The following SEMA5A variants were observed in gnomAD, a reference collection of about 807,000 sequenced individuals.
SEMA5A encodes the protein semaphorin 5A, also known as semaphorin-5A.
A neutral mutation model predicts 135.5 loss-of-function variants in SEMA5A; 55 were observed. The observed-to-expected ratio is 0.41, with a 90% CI of 0.33 to 0.51. The LOEUF is 0.51. SEMA5A is among the 20% of genes least tolerant of loss of function. SEMA5A has a pLI of 0.37. For synonymous variants in SEMA5A, 580 were observed against 546.5 expected (o/e 1.06, Z -0.85); for missense variants, 1,290 against 1,419.9 (o/e 0.91, Z 1.47).
intron 2 of SEMA5A, among the ~76,000 whole-genome samples, chr5:9,415,478 C>T (rs6555605): frequency 0.29 from 44,619 of 151,998 alleles, 6,712 homozygotes; most frequent in African/African-American, 0.35. Flanking sequence ...TCAAAGAATG[C>T]TTAGGGGAAT....
chr5:9,093,768 A>C (rs1739169762), intron 16 of SEMA5A, among the ~76,000 whole-genome samples: 1 of 151,462 alleles, frequency 6.6e-6, no homozygotes, highest in African/African-American at 2.4e-5. Flanking sequence ...AAGCCCTTTC[A>C]GGAATGATGA....
chr5:9,047,351 A>ATGAT (rs1218432083), intron 21 of SEMA5A, among the ~76,000 whole-genome samples: 1 of 152,190 alleles, frequency 6.6e-6, no homozygotes, highest in African/African-American at 2.4e-5. Flanking sequence ...CATCTTTATG[A>ATGAT]TGATTATATA....
chr5:9,189,102 C>T (rs116671781), intron 11 of SEMA5A, among the ~76,000 whole-genome samples: 2,908 of 152,344 alleles, frequency 0.019, 104 homozygotes, highest in African/African-American at 0.067. Context: ...CTTATGGGTG[C>T]AGGGCTGGCC....
chr5:9,165,365 T>C (rs936029388), intron 11 of SEMA5A, among the ~76,000 whole-genome samples: 4 of 152,194 alleles, frequency 2.6e-5, no homozygotes, highest in Non-Finnish European at 5.9e-5. Flanking sequence ...TTGCAAAGCA[T>C]TGGATGGTGA....
intron 20 of SEMA5A, 73 bp from the exon 21 acceptor site, chr5:9,050,530 TG>T (rs1268567258): frequency 8.1e-7 from 1 of 1,236,090 alleles, no homozygotes; most frequent in Non-Finnish European, 1.1e-6. Flanking sequence ...GCTTCATGTA[TG>T]TTTGTCTAAT....
At chr5:9,398,820 G>A (rs1756521322) in intron 2 of SEMA5A, among the ~76,000 whole-genome samples, 3 of 152,210 alleles carry the variant, frequency 2.0e-5, no homozygotes, top group Non-Finnish European at 4.4e-5. Flanking sequence ...CTAGCACCAG[G>A]TTATCAGCAA....
At chr5:9,418,743 T>A (rs1331354696) in intron 2 of SEMA5A, among the ~76,000 whole-genome samples, 1 of 152,226 alleles carries the variant, frequency 6.6e-6, no homozygotes, top group Non-Finnish European at 1.5e-5. Context: ...CATATACTCC[T>A]GGTGCTGATG....
intron 19 of SEMA5A, 151 bp downstream of exon 19, chr5:9,053,936 A>C: frequency 1.3e-6 from 1 of 771,402 alleles, no homozygotes; most frequent in Non-Finnish European, 2.0e-6. Flanking sequence ...GCTATGTTTT[A>C]AAGTCACTTC....
chr5:9,207,134 A>ATATATAT (rs1491507145), intron 8 of SEMA5A, among the ~76,000 whole-genome samples: 46 of 139,618 alleles, frequency 3.3e-4, no homozygotes, highest in East Asian at 6.6e-4. Flanking sequence ...ATATATATAT[A>ATATATAT]AAGCTTAAAG....
At chr5:9,201,372 T>C (rs2150366731) in intron 9 of SEMA5A, among the ~76,000 whole-genome samples, 1 of 152,334 alleles carries the variant, frequency 6.6e-6, no homozygotes, top group East Asian at 1.9e-4. Context: ...TATCTCCCTG[T>C]CCCACCCCCA....
chr5:9,318,220 G>T, intron 5 of SEMA5A, 152 bp downstream of exon 5: 1 of 567,532 alleles, frequency 1.8e-6, no homozygotes, highest in Non-Finnish European at 3.1e-6. Flanking sequence ...GTAACAAGTA[G>T]GGCCGCCTTA....
At chr5:9,099,363 T>C (rs1739498463) in intron 16 of SEMA5A, among the ~76,000 whole-genome samples, 1 of 152,224 alleles carries the variant, frequency 6.6e-6, no homozygotes, top group Non-Finnish European at 1.5e-5. Flanking sequence ...CACTGAGATA[T>C]TTTATTAAAA....
intron 11 of SEMA5A, among the ~76,000 whole-genome samples, chr5:9,181,355 A>G (rs1744498282): frequency 6.6e-6 from 1 of 152,198 alleles, no homozygotes; most frequent in South Asian, 2.1e-4. Flanking sequence ...AAGTCCTTAC[A>G]GGTGGAATTC....
At chr5:9,390,678 A>G (rs915082429) in intron 2 of SEMA5A, among the ~76,000 whole-genome samples, 6 of 152,026 alleles carry the variant, frequency 3.9e-5, no homozygotes, top group African/African-American at 1.2e-4. Flanking sequence ...ACAATCTTTG[A>G]TCTCAAAAAA....
intron 2 of SEMA5A, among the ~76,000 whole-genome samples, chr5:9,403,936 CTGTT>C (rs150784854): frequency 0.04 from 5,795 of 145,246 alleles, 147 homozygotes; most frequent in Middle Eastern, 0.09. Context: ...GTTTGTTTGT[CTGTT>C]TGTTTGTTTT....
At position 9,109,027 on chromosome 5, in the gene SEMA5A, A is replaced by ATTTTTTTTTTTTTTTTT. The variant is rs1305606521; in HGVS notation, c.1926-741_1926-740insAAAAAAAAAAAAAAAAA. On this transcript the variant is annotated intron_variant, in intron 15 of 22. Coordinates refer to ENST00000382496, the MANE Select transcript of SEMA5A (RefSeq NM_003966.3). ...ATCATGAGTCATATTATTTCTCTTC[A>ATTTTTTTTTTTTTTTTT]ATTTTTTTTTTTTTTTTTTTTTTTT... Among the ~76,000 whole-genome samples, 8 of 118,950 alleles carry ATTTTTTTTTTTTTTTTT rather than the reference A, an allele frequency of 6.7e-5. 1 individual carries two copies. The East Asian group carries it at 1.1e-3, about 16-fold the overall frequency. 78.0% of individuals were successfully genotyped at this position (118,950 alleles called of 152,430 possible).
intron 2 of SEMA5A, among the ~76,000 whole-genome samples, chr5:9,428,538 C>A (rs1364794926): frequency 6.6e-6 from 1 of 152,160 alleles, no homozygotes; most frequent in African/African-American, 2.4e-5. Flanking sequence ...CTTTTCTGTT[C>A]TCTTCTACAT....
chr5:9,087,537 T>A (rs1738765746), intron 16 of SEMA5A, among the ~76,000 whole-genome samples: 1 of 151,208 alleles, frequency 6.6e-6, no homozygotes, highest in African/African-American at 2.4e-5. Flanking sequence ...TTTATTTTTA[T>A]TATATTTATT....
intron 16 of SEMA5A, among the ~76,000 whole-genome samples, chr5:9,095,806 GCCATGAGGCAAA>G (rs1426496522): frequency 6.6e-6 from 1 of 152,196 alleles, no homozygotes; most frequent in Non-Finnish European, 1.5e-5. Context: ...AGCATGGTTT[GCCATGAGGCAAA>G]CCAAACGAGT....
Sources: gnomAD v4.1 joint callset for allele counts (sites outside exome capture counted in the v4.1 genomes callset) on GRCh38, gnomAD v4.1.1 for gene constraint, MANE v1.5 for transcripts, NCBI Gene and HGNC (gene_info 2026-07-23, HGNC 2026-07-21) for gene names.